Variants in SDK1 observed in about 807,000 individuals in gnomAD.
SDK1 encodes protein sidekick-1.
A neutral mutation model predicts 245.5 loss-of-function variants in SDK1; 157 were observed. That is an observed-to-expected ratio of 0.64 (90% confidence interval 0.56 to 0.73). SDK1 has a LOEUF of 0.73. SDK1 is among the 30% of genes least tolerant of loss of function. The pLI, the probability that SDK1 is intolerant of heterozygous loss-of-function variation, is 0.00. For missense variants in SDK1, 3,583 were observed against 3,002.3 expected (o/e 1.19, Z -4.52); for synonymous variants, 1,647 against 1,278.5 (o/e 1.29, Z -6.15).
chr7:3,923,144 T>C (rs1008712896), intron 5 of SDK1, among the ~76,000 whole-genome samples: 1 of 152,240 alleles, frequency 6.6e-6, no homozygotes, highest in Non-Finnish European at 1.5e-5. Context: ...TGTTATTGAC[T>C]CCTCTCAATG....
chr7:3,436,676 G>A (rs1047418570), intron 1 of SDK1, among the ~76,000 whole-genome samples: 11 of 151,820 alleles, frequency 7.2e-5, no homozygotes, highest in Non-Finnish European at 1.2e-4. Context: ...TATTTTTATC[G>A]TGTAATATTT....
rs1554254844 is a variant in SDK1 at position 3,301,277 on chromosome 7, G to GGGCGGCGGGGGC, written c.-302_-301insGGGCGGCGGCGG. Among the ~76,000 whole-genome samples the GGGCGGCGGGGGC allele has an allele frequency of 4.8e-5, 7 of 145,758 alleles. No homozygotes were observed. The highest frequency in any genetic ancestry group is 1.4e-4 in the Admixed American group (2 of 14,778). ...GCACTTTCTTCTCAGCGCCGGGCGGGGGCGGCGGCGGCGGCGGCTCCTCCG... is the reference window on the plus strand; with the variant it reads ...GCACTTTCTTCTCAGCGCCGGGCGGGGGCGGCGGGGGCGGCGGCGGCGGCGGCGGCTCCTCCG... On this transcript the variant is annotated 5_prime_UTR_variant, in exon 1 of 45. Transcript: ENST00000404826.
chr7:3,387,913 G>A (rs796558396), intron 1 of SDK1, among the ~76,000 whole-genome samples: 3 of 152,266 alleles, frequency 2.0e-5, no homozygotes, highest in African/African-American at 7.2e-5. Context: ...TGACACATGA[G>A]AAAAATGTGC....
At chr7:3,558,132 G>C (rs1036489627) in intron 1 of SDK1, among the ~76,000 whole-genome samples, 1 of 152,034 alleles carries the variant, frequency 6.6e-6, no homozygotes, top group African/African-American at 2.4e-5. Flanking sequence ...GGCCGGTATA[G>C]TTGCCGAATC....
In SDK1 at chr7:3,936,684, G is replaced by A. The variant is rs183789128; in HGVS notation, c.848-14239G>A. The stretch of plus-strand genomic sequence containing the variant: ...AACTGTTCACTTAGAAATGGTTAAG[G>A]TGGTATTTTATGTTTTGTGTATTTA... On this transcript the variant is annotated intron_variant, in intron 5 of 44. Coordinates refer to ENST00000404826, the MANE Select transcript of SDK1 (RefSeq NM_152744.4). Among the ~76,000 whole-genome samples the A allele has an allele frequency of 1.6e-3, 240 of 152,330 alleles. 1 individual carries two copies. Among genetic ancestry groups the A allele is most frequent in the Non-Finnish European group, 2.7e-3 (182 of 68,032 alleles).
intron 1 of SDK1, among the ~76,000 whole-genome samples, chr7:3,527,412 C>T (rs1364229935): frequency 1.3e-5 from 2 of 152,090 alleles, no homozygotes; most frequent in African/African-American, 4.8e-5. Context: ...GGGGAAGTGA[C>T]TTTCAAGCAG....
At chr7:3,362,747 G>A (rs1436981531) in intron 1 of SDK1, among the ~76,000 whole-genome samples, 6 of 151,970 alleles carry the variant, frequency 3.9e-5, no homozygotes, top group Non-Finnish European at 7.4e-5. Flanking sequence ...TTTTCTTCCC[G>A]GAAGACATTT....
intron 18 of SDK1, 33 bp downstream of exon 18, chr7:4,049,496 C>T (rs779382511): frequency 2.0e-6 from 3 of 1,509,182 alleles, no homozygotes; most frequent in South Asian, 2.2e-5. Context: ...CTGTGGGCAG[C>T]TGTCATTGTC....
intron 25 of SDK1, among the ~76,000 whole-genome samples, chr7:4,122,594 TTATGA>T (rs1314275402): frequency 6.6e-6 from 1 of 152,114 alleles, no homozygotes; most frequent in Non-Finnish European, 1.5e-5. Flanking sequence ...CTGTGACATC[TTATGA>T]TATATTATGA....
intron 4 of SDK1, among the ~76,000 whole-genome samples, chr7:3,688,722 T>C (rs1301524142): frequency 6.6e-6 from 1 of 152,234 alleles, no homozygotes; most frequent in Admixed American, 6.5e-5. Context: ...TCTTGGATGC[T>C]ACAGTGAACT....
chr7:3,593,956 T>C (rs971728162), intron 1 of SDK1, among the ~76,000 whole-genome samples: 4 of 152,358 alleles, frequency 2.6e-5, no homozygotes, highest in Middle Eastern at 3.4e-3. Flanking sequence ...TTTATTGATA[T>C]ATAATTTACA....
In SDK1 at chr7:4,040,964, C is replaced by T. The variant is rs1788586278; in HGVS notation, c.2603-8384C>T. 3.3e-5 allele frequency among the ~76,000 whole-genome samples: 5 copies of T among 152,172 alleles called. No individual in the cohort carries two copies. In the South Asian group the frequency reaches 8.3e-4, roughly 25 times the overall value. On this transcript the variant is annotated intron_variant, in intron 17 of 44. Transcript: ENST00000404826. ...GTCTGCAGCTCAGTTTTTCAGGCTG[C>T]TCTTTGTTAGAAAAGAAATGATTTG...
At chr7:3,634,836 T>C (rs1240781057) in intron 2 of SDK1, among the ~76,000 whole-genome samples, 2 of 152,236 alleles carry the variant, frequency 1.3e-5, no homozygotes, top group Non-Finnish European at 2.9e-5. Flanking sequence ...TTCTGCTTCT[T>C]GTTTGAAAGC....
Position 3,647,336 on chromosome 7 carries a change from G to A in SDK1, c.713+5231G>A, listed in dbSNP as rs181984738. 5.9e-5 allele frequency among the ~76,000 whole-genome samples: 9 copies of A among 152,240 alleles called. No individual in the cohort carries two copies. The East Asian group carries it at 1.5e-3, about 26-fold the overall frequency. ...TAACGTCTTCCAAAGACTTCCCACT[G>A]TGTACAGATTAAAATCCAGATTCCT... is the stretch of plus-strand genomic sequence containing the variant. On this transcript the variant is annotated intron_variant, in intron 4 of 44. Coordinates refer to ENST00000404826, the MANE Select transcript of SDK1 (RefSeq NM_152744.4).
intron 5 of SDK1, among the ~76,000 whole-genome samples, chr7:3,845,973 G>T (rs1780267915): frequency 6.6e-6 from 1 of 152,138 alleles, no homozygotes; most frequent in South Asian, 2.1e-4. Context: ...AATAATTTTA[G>T]ACCGTATTCC....
chr7:3,951,940 G>A lies in SDK1; in HGVS notation c.1150+20G>A. The A allele has an allele frequency of 4.4e-6, 7 of 1,604,190 alleles. No individual in the cohort carries two copies. The South Asian group carries it at 6.7e-5, about 15-fold the overall frequency. ...TCATAGGTAATGCGGGAGCCTCTAA[G>A]TGGTGTTGCCAGCATCTCAGATAGC... On this transcript the variant is annotated intron_variant, in intron 7 of 44. Coordinates refer to ENST00000404826, the MANE Select transcript of SDK1 (RefSeq NM_152744.4).
chr7:4,046,583 A>G (rs751954809), intron 17 of SDK1, among the ~76,000 whole-genome samples: 7 of 152,170 alleles, frequency 4.6e-5, no homozygotes, highest in Admixed American at 1.3e-4. Context: ...TTGTGCTTTT[A>G]TTGAAAACCA....
At chr7:3,729,510 G>A (rs1779112593) in intron 4 of SDK1, among the ~76,000 whole-genome samples, 1 of 152,150 alleles carries the variant, frequency 6.6e-6, no homozygotes, top group African/African-American at 2.4e-5. Flanking sequence ...TAAACATCCT[G>A]AAATTCACAA....
chr7:4,176,858 G>A (rs1041155990), intron 34 of SDK1, among the ~76,000 whole-genome samples: 2 of 152,160 alleles, frequency 1.3e-5, no homozygotes, highest in Non-Finnish European at 2.9e-5. Flanking sequence ...GAAAGACCAC[G>A]TTTTGTTTCT....
Sources: gnomAD v4.1 joint callset for allele counts (sites outside exome capture counted in the v4.1 genomes callset) on GRCh38, gnomAD v4.1.1 for gene constraint, MANE v1.5 for transcripts, NCBI Gene and HGNC (gene_info 2026-07-23, HGNC 2026-07-21) for gene names.